The following SPECC1 variants were observed in gnomAD, a reference collection of about 807,000 sequenced individuals.
The protein encoded by SPECC1 is cytospin-B.
Under a neutral mutation model 104.1 loss-of-function variants are expected in SPECC1, and 62 were observed. The ratio of observed to expected loss-of-function variants is 0.60; its 90% CI spans 0.49 to 0.74. The LOEUF (loss-of-function observed/expected upper bound fraction) is 0.74, where lower values mean the gene tolerates loss of function less well. Ranked by LOEUF, SPECC1 falls within the 30% of genes least tolerant of loss-of-function variation. The probability of loss-of-function intolerance (pLI) is 0.00; values close to 1 mark genes in which losing one functional copy is unlikely to be tolerated. For synonymous variants in SPECC1, 513 were observed against 501.6 expected (o/e 1.02, Z -0.30); for missense variants, 1,306 against 1,310.5 (o/e 1.00, Z 0.05).
rs540207504 is a variant in SPECC1 at position 20,097,510 on chromosome 17, A to T, written c.147+712A>T. On this transcript the variant is annotated intron_variant, in intron 2 of 14. Transcript: ENST00000395527. ...TGCTCCTTAAAGCACCACGGGCGTG[A>T]CAGCTACAATGCAGATGGATTTGAG... 6.6e-5 allele frequency among the ~76,000 whole-genome samples: 10 copies of T among 152,346 alleles called. No homozygotes were observed. The South Asian group carries it at 1.0e-3, about 16-fold the overall frequency.
At chr17:20,258,830 C>T (rs775216080) in intron 11 of SPECC1, among the ~76,000 whole-genome samples, 10 of 152,238 alleles carry the variant, frequency 6.6e-5, no homozygotes, top group Non-Finnish European at 1.3e-4. Flanking sequence ...CTGACTTTGG[C>T]GTCTTACACT....
chr17:20,256,447 A>T (rs944057182), intron 10 of SPECC1, among the ~76,000 whole-genome samples: 9 of 152,106 alleles, frequency 5.9e-5, no homozygotes, highest in African/African-American at 2.2e-4. Context: ...GTTCCCTTGG[A>T]TGTAAATACT....
intron 3 of SPECC1, among the ~76,000 whole-genome samples, chr17:20,133,126 T>C (rs377592960): frequency 4.6e-4 from 70 of 152,310 alleles, no homozygotes; most frequent in African/African-American, 1.4e-3. Flanking sequence ...ATTCCTGCCA[T>C]TGGTAATCTG....
intron 12 of SPECC1, among the ~76,000 whole-genome samples, chr17:20,268,729 C>T (rs1598113128): frequency 6.6e-6 from 1 of 152,254 alleles, no homozygotes; most frequent in Non-Finnish European, 1.5e-5. Context: ...GTCCTACAAC[C>T]TGTGACAACA....
intron 12 of SPECC1, 33 bp from the exon 13 acceptor site, chr17:20,296,928 G>A (rs752433112): frequency 5.0e-6 from 8 of 1,598,716 alleles, no homozygotes; most frequent in Non-Finnish European, 6.9e-6. Flanking sequence ...GTTTGCAATA[G>A]TTCTTGTTTA....
At chr17:20,136,350 G>A (rs1207655117) in intron 3 of SPECC1, among the ~76,000 whole-genome samples, 3 of 151,514 alleles carry the variant, frequency 2.0e-5, no homozygotes, top group African/African-American at 2.4e-5. Flanking sequence ...GCTTGAACAC[G>A]GGAGGCGGAG....
chr17:20,117,164 C>G (rs977445359), intron 3 of SPECC1, among the ~76,000 whole-genome samples: 2 of 151,906 alleles, frequency 1.3e-5, no homozygotes, highest in Non-Finnish European at 1.5e-5. Flanking sequence ...GGATAATTCA[C>G]TCAAAAATGT....
intron 1 of SPECC1, among the ~76,000 whole-genome samples, chr17:20,014,879 C>G (rs2044061130): frequency 6.6e-6 from 1 of 152,136 alleles, no homozygotes. Flanking sequence ...CTTAGCCTCC[C>G]AAGTAGTTGG....
chr17:20,011,865 C>T (rs1460702088), intron 1 of SPECC1, among the ~76,000 whole-genome samples: 4 of 152,054 alleles, frequency 2.6e-5, no homozygotes, highest in African/African-American at 7.2e-5. Flanking sequence ...CATTTATTAG[C>T]TTTATCTACC....
rs567100093 is a variant in SPECC1, at chr17:20,211,177, T to C, written c.1863+5265T>C. Among the ~76,000 whole-genome samples, 3 of 152,216 alleles carry C rather than the reference T, an allele frequency of 2.0e-5. No homozygotes were observed. The South Asian group carries it at 6.2e-4, about 31-fold the overall frequency. ...AAGCTGAGGGAACCTGCTGCCTGAG[T>C]AGCCACTGGCTGCTGCTGGAGAGGT... On this transcript the variant is annotated intron_variant, in intron 4 of 14. Transcript: ENST00000395527.
At chr17:20,178,045 C>G (rs903431307) in intron 3 of SPECC1, among the ~76,000 whole-genome samples, 4 of 150,224 alleles carry the variant, frequency 2.7e-5, no homozygotes, top group African/African-American at 9.8e-5. Context: ...GAGGCAGGGT[C>G]TGTCTTGCCC....
At chr17:20,252,169 A>G (rs1468618732) in intron 9 of SPECC1, among the ~76,000 whole-genome samples, 1 of 152,012 alleles carries the variant, frequency 6.6e-6, no homozygotes, top group Non-Finnish European at 1.5e-5. Context: ...AAATGGCAGT[A>G]AAAAAAATAC....
intron 3 of SPECC1, among the ~76,000 whole-genome samples, chr17:20,135,740 C>A (rs2049880718): frequency 1.3e-5 from 2 of 152,200 alleles, no homozygotes; most frequent in Admixed American, 1.3e-4. Flanking sequence ...GTGTGAGCCA[C>A]TGTGCCTGAT....
intron 4 of SPECC1, among the ~76,000 whole-genome samples, chr17:20,213,980 A>G (rs1338001457): frequency 6.6e-6 from 1 of 152,200 alleles, no homozygotes; most frequent in Non-Finnish European, 1.5e-5. Context: ...CATCACTACA[A>G]TCAATTTTAG....
chr17:20,211,990 C>T (rs567166844), intron 4 of SPECC1, among the ~76,000 whole-genome samples: 2 of 152,328 alleles, frequency 1.3e-5, no homozygotes, highest in South Asian at 2.1e-4. Flanking sequence ...GAAGTACCTG[C>T]GTGGGGCCTT....
chr17:20,309,604 T>TA (rs2041870295), intron 14 of SPECC1, among the ~76,000 whole-genome samples: 1 of 143,708 alleles, frequency 7.0e-6, no homozygotes, highest in Non-Finnish European at 1.5e-5. Flanking sequence ...TTTATGTCCA[T>TA]GACTACCCAA....
chr17:20,280,592 C>T (rs2040733121), intron 12 of SPECC1, among the ~76,000 whole-genome samples: 1 of 152,208 alleles, frequency 6.6e-6, no homozygotes, highest in African/African-American at 2.4e-5. Flanking sequence ...CCTGTAGAAC[C>T]CTCTGTGATG....
chr17:20,031,342 G>A (rs1019338690), intron 1 of SPECC1, among the ~76,000 whole-genome samples: 10 of 151,560 alleles, frequency 6.6e-5, no homozygotes, highest in Non-Finnish European at 1.3e-4. Flanking sequence ...TTTTTGAGAC[G>A]GAGTTTTGCT....
intron 10 of SPECC1, among the ~76,000 whole-genome samples, chr17:20,256,003 G>A (rs1047030256): frequency 6.6e-6 from 1 of 151,772 alleles, no homozygotes; most frequent in East Asian, 1.9e-4. Context: ...TCAGCCTCCC[G>A]AGTAGCTGGG....
Sources: gnomAD v4.1 joint callset for allele counts (sites outside exome capture counted in the v4.1 genomes callset) on GRCh38, gnomAD v4.1.1 for gene constraint, MANE v1.5 for transcripts, NCBI Gene and HGNC (gene_info 2026-07-23, HGNC 2026-07-21) for gene names.